TMCC2: variants seen among roughly 807,000 people sequenced by gnomAD.
TMCC2 encodes the protein transmembrane and coiled-coil domain family 2, also known as transmembrane and coiled-coil domains protein 2.
Under a neutral mutation model 49.4 loss-of-function variants are expected in TMCC2, and 16 were observed. The ratio of observed to expected loss-of-function variants is 0.32; its 90% CI spans 0.22 to 0.49. The LOEUF is 0.49. Among genes scored for constraint, TMCC2 ranks in the 20% least tolerant of loss-of-function variants. The pLI, the probability that TMCC2 is intolerant of heterozygous loss-of-function variation, is 0.99. For missense variants in TMCC2, 762 were observed against 989.8 expected (o/e 0.77, Z 3.09); for synonymous variants, 397 against 434.1 (o/e 0.91, Z 1.06).
chr1:205,266,313 G>A (rs1250274109), intron 2 of TMCC2, among the ~76,000 whole-genome samples: 16 of 151,162 alleles, frequency 1.1e-4, no homozygotes, highest in South Asian at 2.1e-4. Context: ...ATTTTGGGCC[G>A]GGCGCGGTGA....
At chr1:205,258,584 G>A (rs988712767) in intron 2 of TMCC2, among the ~76,000 whole-genome samples, 4 of 152,074 alleles carry the variant, frequency 2.6e-5, no homozygotes, top group Non-Finnish European at 5.9e-5. Context: ...GCAGCTTCCT[G>A]TTACCCACAT....
At chr1:205,246,680 C>T in intron 2 of TMCC2, 6 of 1,550,242 alleles carry the variant, frequency 3.9e-6, no homozygotes, top group Non-Finnish European at 5.2e-6. Flanking sequence ...CAGCCAGGCC[C>T]ACCTCTCATG....
At chr1:205,244,708 T>C (rs546592502) in intron 2 of TMCC2, among the ~76,000 whole-genome samples, 1 of 152,142 alleles carries the variant, frequency 6.6e-6, no homozygotes, top group Admixed American at 6.5e-5. Flanking sequence ...TGGGAGGGCA[T>C]GTAAGGGTGA....
At chr1:205,258,856 C>T (rs926944503) in intron 2 of TMCC2, among the ~76,000 whole-genome samples, 3 of 152,218 alleles carry the variant, frequency 2.0e-5, no homozygotes, top group Non-Finnish European at 4.4e-5. Flanking sequence ...TGGTTGACCT[C>T]CCCTTCCATC....
Position 205,273,046 on chromosome 1 carries a change from C to T in TMCC2, c.*922C>T, listed in dbSNP as rs1558662380. On this transcript the variant is annotated 3_prime_UTR_variant, in exon 5 of 5. Transcript: ENST00000358024. ...GCTGGGAGAAGTGGGACCGAGCCAC[C>T]CAGCCCCACTATCCCCAAGCAGCCC... 1 of 152,156 alleles carries T rather than the reference C, an allele frequency of 6.6e-6. No individual in the cohort carries two copies. Among genetic ancestry groups the T allele is most frequent in the East Asian group, 1.9e-4 (1 of 5,170 alleles). The allele number at this position is 152,156 out of a possible 1,614,324, so 9.4% of individuals were successfully genotyped here. A position where few individuals can be genotyped will look rare whatever the true frequency, so the allele number is the denominator to read the frequency against.
chr1:205,258,170 C>T (rs1409281550), intron 2 of TMCC2, among the ~76,000 whole-genome samples: 1 of 152,058 alleles, frequency 6.6e-6, no homozygotes, highest in Admixed American at 6.5e-5. Flanking sequence ...AGGCAGCTGG[C>T]TCTGCACTGC....
chr1:205,229,552 G>T lies in TMCC2; in HGVS notation c.207+781G>T, dbSNP rs921743333. On this transcript the variant is annotated intron_variant, in intron 1 of 4. Coordinates refer to ENST00000358024, the MANE Select transcript of TMCC2 (RefSeq NM_014858.4). ...TGCCGATCTGTGAAGGGGCGGGGGG[G>T]GGGGGGTGGTGGCGGGGGCGGGGGG... The T allele has an allele frequency of 3.9e-4, 270 of 697,506 alleles. 4 individuals are homozygous for T. Among genetic ancestry groups the T allele is most frequent in the Non-Finnish European group, 4.5e-4 (262 of 583,006 alleles). The allele number at this position is 697,506 out of a possible 1,614,324, so 43.2% of individuals were successfully genotyped here.
chr1:205,232,993 C>T (rs1285624804), intron 1 of TMCC2, among the ~76,000 whole-genome samples: 3 of 74,848 alleles, frequency 4.0e-5, no homozygotes, highest in Admixed American at 2.2e-4. Context: ...AAACAACAAC[C>T]GAAAAAAAAA....
chr1:205,238,621 T>C (rs1411298150), intron 1 of TMCC2, among the ~76,000 whole-genome samples: 1 of 152,178 alleles, frequency 6.6e-6, no homozygotes, highest in African/African-American at 2.4e-5. Context: ...CAACAGCAGT[T>C]CAGGGGACCT....
intron 2 of TMCC2, among the ~76,000 whole-genome samples, chr1:205,258,905 T>C (rs1408809716): frequency 6.6e-6 from 1 of 152,208 alleles, no homozygotes; most frequent in Non-Finnish European, 1.5e-5. Flanking sequence ...GCGTTCTTTA[T>C]CCCGAGAGGG....
intron 2 of TMCC2, among the ~76,000 whole-genome samples, chr1:205,258,641 C>T (rs994404004): frequency 2.0e-5 from 3 of 152,190 alleles, no homozygotes; most frequent in African/African-American, 7.2e-5. Flanking sequence ...CGGGCTATTC[C>T]TGCTGAGTTG....
chr1:205,270,036 T>A, intron 3 of TMCC2, 152 bp downstream of exon 3: 1 of 718,390 alleles, frequency 1.4e-6, no homozygotes, highest in South Asian at 1.9e-5. Context: ...CTAAGGAGCC[T>A]TCTTTCTTTT....
intron 2 of TMCC2, among the ~76,000 whole-genome samples, chr1:205,267,220 T>C (rs1661377700): frequency 6.6e-6 from 1 of 152,174 alleles, no homozygotes; most frequent in Admixed American, 6.5e-5. Context: ...AAAGCCCCAG[T>C]GGAAGCCCAC....
intron 2 of TMCC2, among the ~76,000 whole-genome samples, chr1:205,254,220 T>C (rs979201063): frequency 1.3e-5 from 2 of 152,204 alleles, no homozygotes; most frequent in Admixed American, 1.3e-4. Context: ...GCTCATCCAG[T>C]GCCCAGCGAG....
chr1:205,268,845 C>T, intron 2 of TMCC2, 105 bp from the exon 3 acceptor site: 2 of 1,106,186 alleles, frequency 1.8e-6, no homozygotes, highest in Non-Finnish European at 1.3e-6. Context: ...CTTTTGGACT[C>T]CTGCATCCAT....
intron 1 of TMCC2, chr1:205,229,106 T>C: frequency 8.6e-7 from 1 of 1,166,164 alleles, no homozygotes. Context: ...GGACAGCAGG[T>C]GACCATTAGT....
At chr1:205,265,502 C>T (rs938704239) in intron 2 of TMCC2, among the ~76,000 whole-genome samples, 1 of 152,186 alleles carries the variant, frequency 6.6e-6, no homozygotes, top group African/African-American at 2.4e-5. Context: ...CAGACTCTGT[C>T]CCTGTTACAA....
At chr1:205,232,428 T>C (rs935050609) in intron 1 of TMCC2, among the ~76,000 whole-genome samples, 2 of 152,176 alleles carry the variant, frequency 1.3e-5, no homozygotes, top group African/African-American at 2.4e-5. Context: ...CATGTTTCGA[T>C]TCATTTGTCC....
At position 205,271,031 on chromosome 1, in the gene TMCC2, T is replaced by C. The variant is rs74139135; in HGVS notation, c.1683-89T>C. ...GGACACGGGGGATGGGCTGAGTCAT[T>C]GTTTATTGAGAGAATGAATGAATCA... On this transcript the variant is annotated intron_variant, in intron 3 of 4. Transcript: ENST00000358024. 3.8e-3 allele frequency: 5,808 copies of C among 1,547,378 alleles called. 197 individuals are homozygous for C. In the African/African-American group the frequency reaches 0.069, roughly 18 times the overall value.
Sources: gnomAD v4.1 joint callset for allele counts (sites outside exome capture counted in the v4.1 genomes callset) on GRCh38, gnomAD v4.1.1 for gene constraint, MANE v1.5 for transcripts, NCBI Gene and HGNC (gene_info 2026-07-23, HGNC 2026-07-21) for gene names.